ESF1: variants seen among roughly 807,000 people sequenced by gnomAD.
ESF1 encodes ESF1 nucleolar pre-rRNA processing protein, also known as ESF1 homolog.
In ESF1, 58 loss-of-function variants were observed where a neutral mutation model predicts 92.0. That is an observed-to-expected ratio of 0.63 (90% CI 0.51 to 0.78). ESF1 has a LOEUF of 0.78. ESF1 is among the 30% of genes least tolerant of loss of function. The pLI is 0.00. For synonymous variants in ESF1, 321 were observed against 313.7 expected (o/e 1.02, Z -0.24); for missense variants, 922 against 989.1 (o/e 0.93, Z 0.91).
chr20:13,753,307 C>A (rs1379783667), intron 9 of ESF1, among the ~76,000 whole-genome samples: 1 of 151,548 alleles, frequency 6.6e-6, no homozygotes, highest in East Asian at 1.9e-4. Flanking sequence ...TCTGAGGACA[C>A]TGCTTCCCCT....
rs1398414031 is a variant in ESF1 at position 13,714,943 on chromosome 20, T to C, written c.2487A>G (p.Ser829=). 2 of 1,613,882 alleles carry C rather than the reference T, an allele frequency of 1.2e-6. No individual in the cohort carries two copies. ...SQRKSIDPAL[S]MLIKSIKTKT... is the part of the protein sequence containing the mutation. Reference sequence around the variant, plus strand: ...TGGTTTTTATAGATTTAATCAACATTGACAAAGCAGGATCAATGGACTTCC... The same window carrying C: ...TGGTTTTTATAGATTTAATCAACATCGACAAAGCAGGATCAATGGACTTCC... The change falls in exon 14 of 14, where the codon TCA becomes TCG. Residue 829 remains serine (S), a synonymous_variant. Coordinates refer to ENST00000617257, the MANE Select transcript of ESF1 (RefSeq NM_001276380.2).
chr20:13,742,950 T>C (rs1254394878), intron 9 of ESF1, among the ~76,000 whole-genome samples: 1 of 152,224 alleles, frequency 6.6e-6, no homozygotes, highest in African/African-American at 2.4e-5. Context: ...CTGGATACTT[T>C]TGATAAAATA....
At chr20:13,773,472 G>C (rs1161749983) in intron 4 of ESF1, among the ~76,000 whole-genome samples, 1 of 151,480 alleles carries the variant, frequency 6.6e-6, no homozygotes, top group Non-Finnish European at 1.5e-5. Context: ...TCTTTGGCTT[G>C]ACTTTTAATT....
At position 13,717,492 on chromosome 20, in the gene ESF1, A is replaced by C; in HGVS notation, c.2138T>G (p.Met713Arg). Residue 713 changes from methionine (M) to arginine (R), a missense_variant, in exon 13 of 14, where the codon ATG (methionine) becomes AGG (arginine). By Grantham distance (91) the Met-to-Arg change is moderately conservative (BLOSUM62 -1). Transcript: ENST00000617257. ...RQKAEMALLM[M>R]DEDEDSKKHF... ...TTTCTTACTGTCCTCGTCCTCATCC[A>C]TCATAAGCAAAGCCATTTCAGCCTG... 1 of 1,613,990 alleles carries C rather than the reference A, an allele frequency of 6.2e-7. No homozygotes were observed. The highest frequency in any genetic ancestry group is 8.5e-7 in the Non-Finnish European group (1 of 1,180,022).
In ESF1 at chr20:13,728,537, CTA is replaced by C. The variant is rs1174740074; in HGVS notation, c.1951-74_1951-73del. The C allele has an allele frequency of 4.2e-6, 5 of 1,180,486 alleles. No individual in the cohort carries two copies. In the African/African-American group the frequency reaches 7.8e-5, roughly 18 times the overall value. The allele number at this position is 1,180,486 out of a possible 1,614,324, so 73.1% of individuals were successfully genotyped here. On this transcript the variant is annotated intron_variant, in intron 10 of 13. Coordinates refer to ENST00000617257, the MANE Select transcript of ESF1 (RefSeq NM_001276380.2). Reference sequence around the variant, plus strand: ...TATAATAAATGTATACCAAGAAAAACTATGCATTTCTTTTAAACCAAGTAGTT... The same window carrying C: ...TATAATAAATGTATACCAAGAAAAACTGCATTTCTTTTAAACCAAGTAGTT...
intron 11 of ESF1, among the ~76,000 whole-genome samples, chr20:13,727,391 G>GT (rs2049907504): frequency 6.6e-6 from 1 of 152,130 alleles, no homozygotes; most frequent in Admixed American, 6.5e-5. Flanking sequence ...CTAAAAAGCT[G>GT]TAACAATCAG....
rs142853188 is a variant in ESF1 at position 13,771,378 on chromosome 20, A to C, written c.1356T>G (p.Asp452Glu). The change falls in exon 6 of 14, where the codon GAT becomes GAG. Residue 452 changes from aspartate (D) to glutamate (E), a missense_variant. Transcript: ENST00000617257. ...SPETASKIYE[D>E]CDGLEFESSC... ...TACTTTCAAATTCCAGGCCATCACA[A>C]TCCTCATAAATTTTACTAGCTGTTT... 6.2e-7 allele frequency: 1 copy of C among 1,612,728 alleles called. No homozygotes were observed. Among genetic ancestry groups the C allele is most frequent in the South Asian group, 1.1e-5 (1 of 91,024 alleles).
intron 9 of ESF1, among the ~76,000 whole-genome samples, chr20:13,750,358 A>G (rs1425503831): frequency 6.6e-6 from 1 of 152,126 alleles, no homozygotes; most frequent in Non-Finnish European, 1.5e-5. Flanking sequence ...TATAAAAATT[A>G]GTTGGGTGTG....
At chr20:13,776,294 A>G (rs1366900230) in intron 2 of ESF1, 24 bp from the exon 3 acceptor site, 1 of 1,573,740 alleles carries the variant, frequency 6.4e-7, no homozygotes. Context: ...AAGGGGAAAG[A>G]AATTAAGAAA....
At position 13,784,911 on chromosome 20, in the gene ESF1, C is replaced by T; in HGVS notation, c.-75G>A. On this transcript the variant is annotated 5_prime_UTR_variant, in exon 1 of 14. Coordinates refer to ENST00000617257, the MANE Select transcript of ESF1 (RefSeq NM_001276380.2). ...CAGTCCTACCAAGCCTCACGTGGGG[C>T]TCACACCCACAATCCTCCGCGTGAC... 1.0e-5 allele frequency: 7 copies of T among 669,952 alleles called. No individual in the cohort carries two copies. The highest frequency in any genetic ancestry group is 7.4e-5 in the South Asian group (4 of 53,750). The allele number at this position is 669,952 out of a possible 1,614,324, so 41.5% of individuals were successfully genotyped here. A position where few individuals can be genotyped will look rare whatever the true frequency, so the allele number is the denominator to read the frequency against.
intron 11 of ESF1, among the ~76,000 whole-genome samples, chr20:13,720,255 C>T (rs2049858442): frequency 6.6e-6 from 1 of 152,144 alleles, no homozygotes; most frequent in Non-Finnish European, 1.5e-5. Context: ...TGCTGTGTTT[C>T]CTGGGCTAAC....
At chr20:13,770,082 TTCTC>T in intron 6 of ESF1, 61 bp from the exon 7 acceptor site, 1 of 949,430 alleles carries the variant, frequency 1.1e-6, no homozygotes, top group Non-Finnish European at 1.6e-6. Flanking sequence ...ACAGTTTAGA[TTCTC>T]ATCTAATTAG....
chr20:13,738,370 G>C (rs779535555), intron 9 of ESF1, among the ~76,000 whole-genome samples: 3 of 150,062 alleles, frequency 2.0e-5, no homozygotes, highest in African/African-American at 7.4e-5. Context: ...CTGGAGTGCA[G>C]TAGTGCAATC....
At chr20:13,776,653 A>G (rs370681179) in intron 2 of ESF1, among the ~76,000 whole-genome samples, 1 of 152,334 alleles carries the variant, frequency 6.6e-6, no homozygotes, top group African/African-American at 2.4e-5. Context: ...TGAAAAGAAT[A>G]CATGGATATC....
chr20:13,765,138 G>A (rs1349198031), intron 8 of ESF1, among the ~76,000 whole-genome samples: 1 of 151,932 alleles, frequency 6.6e-6, no homozygotes, highest in African/African-American at 2.4e-5. Context: ...CATGAGAATC[G>A]TTTGAACCCA....
intron 9 of ESF1, among the ~76,000 whole-genome samples, chr20:13,753,330 G>C (rs933821691): frequency 6.6e-6 from 1 of 150,700 alleles, no homozygotes; most frequent in African/African-American, 2.4e-5. Flanking sequence ...ATCTCTTTTA[G>C]CAGGTGAATT....
intron 9 of ESF1, among the ~76,000 whole-genome samples, chr20:13,747,510 AGCCGAGATGGCACCACTGCACTGCAGCCT>A (rs1257749726): frequency 3.2e-4 from 48 of 151,576 alleles, no homozygotes; most frequent in African/African-American, 8.0e-4. Context: ...GGTTGCAGTG[AGCCGAGATGGCACCACTGCACTGCAGCCT>A]GCCGAGATGG....
intron 4 of ESF1, among the ~76,000 whole-genome samples, chr20:13,774,336 G>A (rs1046468771): frequency 2.0e-5 from 3 of 152,096 alleles, no homozygotes; most frequent in Non-Finnish European, 2.9e-5. Context: ...GCTCATTGGC[G>A]CATTTCAGAT....
chr20:13,732,640 C>A lies in ESF1; in HGVS notation c.1950+1081G>T, dbSNP rs530050727. On this transcript the variant is annotated intron_variant, in intron 10 of 13. Transcript: ENST00000617257. ...ACTAATCAGCTAATTTTTTTTACAA[C>A]TATAAAACAGGGCTGGACTAGAATT... 5.3e-5 allele frequency among the ~76,000 whole-genome samples: 8 copies of A among 152,266 alleles called. No homozygotes were observed. The East Asian group carries it at 1.5e-3, about 29-fold the overall frequency.
Sources: allele counts gnomAD v4.1 joint callset (sites outside exome capture counted in the v4.1 genomes callset), GRCh38; gene constraint gnomAD v4.1.1; transcripts MANE v1.5; gene names NCBI Gene and HGNC (gene_info 2026-07-23, HGNC 2026-07-21).